The following CENATAC variants were observed in gnomAD, a reference collection of about 807,000 sequenced individuals.
CENATAC encodes coiled-coil domain containing 84.
CENATAC carries 53 observed loss-of-function variants against 53.7 expected under a neutral mutation model. That is an observed-to-expected ratio of 0.99 (90% CI 0.79 to 1.24). The LOEUF (loss-of-function observed/expected upper bound fraction) is 1.24, where lower values mean the gene tolerates loss of function less well. Ranked by LOEUF, CENATAC falls within the 50% of genes most tolerant of loss-of-function variation. CENATAC has a pLI of 0.00. For synonymous variants in CENATAC, 156 were observed against 144.6 expected (o/e 1.08, Z -0.57); for missense variants, 474 against 417.8 (o/e 1.13, Z -1.17).
rs1942857493 is a variant in CENATAC, at chr11:119,011,295, T to C, written c.513+12T>C. ...GGTCTGTCTTAGAGGTTGGTTTCCC[T>C]CGGAGGATCCAGACCAGTATCCAAA... is the stretch of plus-strand genomic sequence containing the variant. On this transcript the variant is annotated intron_variant, in intron 5 of 10. Coordinates refer to ENST00000334418, the MANE Select transcript of CENATAC (RefSeq NM_198489.3). 1 of 1,613,444 alleles carries C rather than the reference T, an allele frequency of 6.2e-7. No individual in the cohort carries two copies. Among genetic ancestry groups the C allele is most frequent in the Admixed American group, 1.7e-5 (1 of 59,962 alleles).
chr11:119,001,493 G>A, intron 3 of CENATAC: 1 of 404,016 alleles, frequency 2.5e-6, no homozygotes, highest in Non-Finnish European at 5.0e-6. Flanking sequence ...CCGGGTTCAA[G>A]CGATTCTCCC....
chr11:119,009,370 C>T (rs1040294540), intron 3 of CENATAC, among the ~76,000 whole-genome samples: 2 of 152,148 alleles, frequency 1.3e-5, no homozygotes, highest in South Asian at 2.1e-4. Flanking sequence ...CTTGATCCAC[C>T]CGTCTCGGCC....
chr11:119,011,253 C>T lies in CENATAC; in HGVS notation c.483C>T (p.Ser161=). The T allele has an allele frequency of 6.2e-7, 1 of 1,614,106 alleles. No individual in the cohort carries two copies. ...MAAQIREVEQ[S]RQEVVRSVLE... ...CTCAGATCCGTGAGGTGGAGCAGAG[C>T]CGACAGGAGGTGGTTCGGTCTGTCT... The change falls in exon 5 of 11, where the codon AGC becomes AGT. Residue 161 remains serine (S), a synonymous_variant. Coordinates refer to ENST00000334418, the MANE Select transcript of CENATAC (RefSeq NM_198489.3).
chr11:119,013,238 C>T lies in CENATAC; in HGVS notation c.691C>T (p.Pro231Ser). ...TTCCCATTTCCAACTACAGGATATA[C>T]CAGGAGTTGGTAACATCCACTCAGG... ...SLTFIGHQDI[P>S]GVGNIHSGAT... The change falls in exon 8 of 11, where the codon CCA becomes TCA. Residue 231 changes from proline (P) to serine (S), a missense_variant. Physicochemically the swap from Pro to Ser is moderately conservative, Grantham distance 74. Transcript: ENST00000334418. The T allele has an allele frequency of 1.2e-6, 2 of 1,609,466 alleles. No homozygotes were observed. The highest frequency in any genetic ancestry group is 8.5e-7 in the Non-Finnish European group (1 of 1,177,744).
At chr11:119,011,900 G>A in intron 5 of CENATAC, 39 bp from the exon 6 acceptor site, 1 of 1,596,278 alleles carries the variant, frequency 6.3e-7, no homozygotes, top group Non-Finnish European at 8.6e-7. Context: ...AGGCTCTTAA[G>A]CATCCCAGAC....
chr11:119,011,294 C>G lies in CENATAC; in HGVS notation c.513+11C>G. On this transcript the variant is annotated intron_variant, in intron 5 of 10. Coordinates refer to ENST00000334418, the MANE Select transcript of CENATAC (RefSeq NM_198489.3). The stretch of plus-strand genomic sequence containing the variant: ...CGGTCTGTCTTAGAGGTTGGTTTCC[C>G]TCGGAGGATCCAGACCAGTATCCAA... The G allele has an allele frequency of 6.2e-7, 1 of 1,613,574 alleles. No individual in the cohort carries two copies. Among genetic ancestry groups the G allele is most frequent in the South Asian group, 1.1e-5 (1 of 90,994 alleles).
chr11:119,001,346 T>C (rs1942284753), intron 3 of CENATAC, among the ~76,000 whole-genome samples: 3 of 152,216 alleles, frequency 2.0e-5, no homozygotes, highest in Admixed American at 1.3e-4. Context: ...TGACCGCGAA[T>C]GTCACCATGT....
Position 119,014,974 on chromosome 11 carries a change from A to AG in CENATAC, c.716-19dup. The AG allele has an allele frequency of 1.4e-6, 2 of 1,459,512 alleles. No individual in the cohort carries two copies. The highest frequency in any genetic ancestry group is 1.4e-5 in the African/African-American group (1 of 70,026). The allele number at this position is 1,459,512 out of a possible 1,614,324, so 90.4% of individuals were successfully genotyped here. A position where few individuals can be genotyped will look rare whatever the true frequency, so the allele number is the denominator to read the frequency against. ...CTGAAGACTTAAAAAAAAAAAAAAA[A>AG]GCCTTAATTTTTTTTTCAGGTGCCA... On this transcript the variant is annotated intron_variant, in intron 8 of 10. Coordinates refer to ENST00000334418, the MANE Select transcript of CENATAC (RefSeq NM_198489.3).
intron 3 of CENATAC, among the ~76,000 whole-genome samples, chr11:119,000,509 A>T (rs996223874): frequency 4.7e-4 from 70 of 148,076 alleles, no homozygotes; most frequent in African/African-American, 8.8e-4. Flanking sequence ...TTAAAAAAAA[A>T]TTTTTTTTGT....
In CENATAC at chr11:119,012,247, G is replaced by A. The variant is rs1232622451; in HGVS notation, c.677G>A (p.Gly226Asp). The change falls in exon 7 of 11, where the codon GGC becomes GAC. Residue 226 changes from glycine to aspartate, a missense_variant. Transcript: ENST00000334418. ...METGPSLTFI[G>D]HQDIPGVGNI... ...ACAGGACCATCTCTGACATTCATTG[G>A]CCATCAGGTACAAAGGATAAGCAAG... 1.9e-6 allele frequency: 3 copies of A among 1,614,002 alleles called. No homozygotes were observed. Among genetic ancestry groups the A allele is most frequent in the East Asian group, 4.5e-5 (2 of 44,876 alleles).
rs782609881 is a variant in CENATAC, at chr11:119,015,603, GCTCT to G, written c.*8_*11del. The G allele has an allele frequency of 3.1e-6, 5 of 1,613,768 alleles. No individual in the cohort carries two copies. Among genetic ancestry groups the G allele is most frequent in the African/African-American group, 2.7e-5 (2 of 74,832 alleles). On this transcript the variant is annotated 3_prime_UTR_variant, in exon 11 of 11. Coordinates refer to ENST00000334418, the MANE Select transcript of CENATAC (RefSeq NM_198489.3). ...TCACATACAGAAAAAAGCTAATCAT[GCTCT>G]CTACCAACTACCATGAGGCTAAAAG...
intron 7 of CENATAC, 73 bp downstream of exon 7, chr11:119,012,327 T>TA: frequency 6.5e-7 from 1 of 1,540,462 alleles, no homozygotes. Flanking sequence ...CCTGATTTTC[T>TA]ACCTATTCAA....
chr11:119,001,706 A>C (rs1037155750), intron 3 of CENATAC: 1 of 455,150 alleles, frequency 2.2e-6, no homozygotes, highest in Non-Finnish European at 4.4e-6. Flanking sequence ...GTGCTGTGCA[A>C]GAGTCAACTG....
chr11:118,998,588 G>C lies in CENATAC; in HGVS notation c.279G>C (p.Leu93=). The change falls in exon 2 of 11, where the codon CTG becomes CTC. Residue 93 remains leucine (L), a synonymous_variant. Coordinates refer to ENST00000334418, the MANE Select transcript of CENATAC (RefSeq NM_198489.3). ...TVLYGGLLEH[L]ASPEHKKATN... ...TGTACGGGGGGCTGCTGGAGCATCT[G>C]GCCAGGTGAGAGCCGAGCTAGGAGC... is the stretch of plus-strand genomic sequence containing the variant. 6.4e-7 allele frequency: 1 copy of C among 1,561,244 alleles called. No individual in the cohort carries two copies. The highest frequency in any genetic ancestry group is 8.7e-7 in the Non-Finnish European group (1 of 1,152,054).
intron 2 of CENATAC, 118 bp downstream of exon 2, chr11:118,998,711 C>A: frequency 3.0e-6 from 4 of 1,313,046 alleles, no homozygotes; most frequent in Admixed American, 4.9e-5. Context: ...TGGATTGAGT[C>A]ACTTCACAGG....
chr11:119,010,696 A>C (rs998774945), intron 3 of CENATAC, 68 bp from the exon 4 acceptor site: 1 of 1,349,758 alleles, frequency 7.4e-7, no homozygotes. Context: ...AAAAATATCT[A>C]CTGAGGAGCT....
intron 3 of CENATAC, 191 bp from the exon 4 acceptor site, chr11:119,010,571 CTG>C (rs1430884714): frequency 5.3e-6 from 3 of 564,492 alleles, no homozygotes; most frequent in African/African-American, 3.7e-5. Context: ...GGACGTGTGT[CTG>C]TACAAAAGAA....
intron 9 of CENATAC, 103 bp downstream of exon 9, chr11:119,015,186 G>A: frequency 1.4e-6 from 2 of 1,446,316 alleles, no homozygotes; most frequent in South Asian, 2.5e-5. Flanking sequence ...AGCATTTTGG[G>A]AGGCTGAGGT....
At chr11:118,999,927 C>G (rs570283901) in intron 3 of CENATAC, among the ~76,000 whole-genome samples, 1 of 152,196 alleles carries the variant, frequency 6.6e-6, no homozygotes, top group African/African-American at 2.4e-5. Context: ...CAGGCGTGAG[C>G]CACCGCGCCC....
Sources: allele counts gnomAD v4.1 joint callset (sites outside exome capture counted in the v4.1 genomes callset), GRCh38; gene constraint gnomAD v4.1.1; transcripts MANE v1.5; gene names NCBI Gene and HGNC (gene_info 2026-07-23, HGNC 2026-07-21).